The following GRIN2A variants were observed in gnomAD, a reference collection of about 807,000 sequenced individuals.
GRIN2A encodes glutamate ionotropic receptor NMDA type subunit 2A, also known as glutamate receptor ionotropic, NMDA 2A.
GRIN2A carries 22 observed loss-of-function variants against 113.4 expected under a neutral mutation model. The ratio of observed to expected loss-of-function variants is 0.19; its 90% CI spans 0.14 to 0.28. The LOEUF (loss-of-function observed/expected upper bound fraction) is 0.28, where lower values mean the gene tolerates loss of function less well. Among genes scored for constraint, GRIN2A ranks in the 10% least tolerant of loss-of-function variants. GRIN2A has a pLI of 1.00. For synonymous variants in GRIN2A, 827 were observed against 738.4 expected (o/e 1.12, Z -1.94); for missense variants, 1,502 against 1,887.0 (o/e 0.80, Z 3.78).
Position 9,759,312 on chromosome 16 carries a change from C to A in GRIN2A, c.*3837G>T, listed in dbSNP as rs1220426080. 4.5e-6 allele frequency: 1 copy of A among 221,016 alleles called. No individual in the cohort carries two copies. The highest frequency in any genetic ancestry group is 9.0e-6 in the Non-Finnish European group (1 of 110,726). The allele number at this position is 221,016 out of a possible 1,614,324, so 13.7% of individuals were successfully genotyped here. A position where few individuals can be genotyped will look rare whatever the true frequency, so the allele number is the denominator to read the frequency against. On this transcript the variant is annotated 3_prime_UTR_variant, in exon 13 of 13. Coordinates refer to ENST00000330684, the MANE Select transcript of GRIN2A (RefSeq NM_001134407.3). ...TAACATCAACATTTTTTTTCTTTTT[C>A]ATTAGCAATTCTATTTGCAAATAAT...
chr16:9,784,025 G>A (rs534580347), intron 11 of GRIN2A, among the ~76,000 whole-genome samples: 1 of 152,206 alleles, frequency 6.6e-6, no homozygotes, highest in African/African-American at 2.4e-5. Context: ...TGGGTACTGG[G>A]CTTAATACCT....
At chr16:9,875,183 T>C (rs771170399) in intron 4 of GRIN2A, among the ~76,000 whole-genome samples, 14 of 151,798 alleles carry the variant, frequency 9.2e-5, no homozygotes, top group Non-Finnish European at 1.5e-4. Flanking sequence ...AAAGGGTGTG[T>C]GGGGGAATCA....
chr16:9,972,039 C>T (rs571056468), intron 2 of GRIN2A, among the ~76,000 whole-genome samples: 5 of 152,194 alleles, frequency 3.3e-5, no homozygotes, highest in East Asian at 1.9e-4. Flanking sequence ...TGGAAGTCCA[C>T]GGCCAGCAGA....
chr16:10,001,179 G>T (rs1378531815), intron 2 of GRIN2A, among the ~76,000 whole-genome samples: 4 of 152,080 alleles, frequency 2.6e-5, no homozygotes, highest in Non-Finnish European at 5.9e-5. Flanking sequence ...GATCTTGTGG[G>T]TCTCTTCAAA....
intron 5 of GRIN2A, among the ~76,000 whole-genome samples, chr16:9,842,829 C>G (rs2042703313): frequency 6.6e-6 from 1 of 151,970 alleles, no homozygotes; most frequent in Non-Finnish European, 1.5e-5. Context: ...CCCAGCTACA[C>G]AGGAGGCATA....
chr16:9,796,023 G>C (rs1249229544), intron 11 of GRIN2A, among the ~76,000 whole-genome samples: 1 of 152,210 alleles, frequency 6.6e-6, no homozygotes, highest in African/African-American at 2.4e-5. Flanking sequence ...CCTCTGTAAA[G>C]TGGGAATAAG....
chr16:9,831,464 T>C (rs2042492724), intron 8 of GRIN2A, among the ~76,000 whole-genome samples: 1 of 151,698 alleles, frequency 6.6e-6, no homozygotes, highest in South Asian at 2.1e-4. Context: ...CTTTTTGCTC[T>C]GTACATGTAT....
chr16:9,922,719 A>G (rs903108184), intron 3 of GRIN2A, among the ~76,000 whole-genome samples: 4 of 152,206 alleles, frequency 2.6e-5, no homozygotes, highest in Admixed American at 2.0e-4. Context: ...CAACTTGAGT[A>G]AAGAGTCGTT....
At chr16:10,131,443 G>A (rs566634091) in intron 2 of GRIN2A, among the ~76,000 whole-genome samples, 228 of 150,932 alleles carry the variant, frequency 1.5e-3, no homozygotes, top group African/African-American at 4.2e-3. Flanking sequence ...AAGGCCTGCC[G>A]CTCCAGTCTC....
chr16:9,835,560 C>T lies in GRIN2A; in HGVS notation c.1652-1330G>A, dbSNP rs139081659. 4.6e-3 allele frequency among the ~76,000 whole-genome samples: 693 copies of T among 152,298 alleles called. 2 individuals are homozygous for T. The highest frequency in any genetic ancestry group is 0.016 in the African/African-American group (670 of 41,558). On this transcript the variant is annotated intron_variant, in intron 7 of 12. Coordinates refer to ENST00000330684, the MANE Select transcript of GRIN2A (RefSeq NM_001134407.3). The stretch of plus-strand genomic sequence containing the variant: ...TGAATACATCTCCACCTGAATGTAT[C>T]ATGGGGAAGAAATTGCCTATAGACA...
rs192082730 is a variant in GRIN2A at position 10,054,558 on chromosome 16, G to C, written c.415-116007C>G. On this transcript the variant is annotated intron_variant, in intron 2 of 12. Coordinates refer to ENST00000330684, the MANE Select transcript of GRIN2A (RefSeq NM_001134407.3). ...TTTACTTACAGGCATATATCATTAAGAAAATTTCTCATCTGTGCAAAGATG... is the reference window on the plus strand; with the variant it reads ...TTTACTTACAGGCATATATCATTAACAAAATTTCTCATCTGTGCAAAGATG... Among the ~76,000 whole-genome samples the C allele has an allele frequency of 2.7e-3, 409 of 152,298 alleles. 3 individuals carry two copies. The highest frequency in any genetic ancestry group is 9.2e-3 in the African/African-American group (383 of 41,564).
At chr16:9,822,508 A>G in intron 9 of GRIN2A, 84 bp from the exon 10 acceptor site, 2 of 909,718 alleles carry the variant, frequency 2.2e-6, no homozygotes, top group Non-Finnish European at 3.6e-6. Context: ...ATAATAAATT[A>G]GTGATCATTT....
At chr16:10,064,809 T>C (rs922813520) in intron 2 of GRIN2A, among the ~76,000 whole-genome samples, 2 of 152,334 alleles carry the variant, frequency 1.3e-5, no homozygotes, top group Admixed American at 1.3e-4. Flanking sequence ...TCCCATGGAC[T>C]AGACTATGGG....
At chr16:10,015,877 C>A (rs566451496) in intron 2 of GRIN2A, among the ~76,000 whole-genome samples, 1 of 152,188 alleles carries the variant, frequency 6.6e-6, no homozygotes, top group African/African-American at 2.4e-5. Context: ...ACACTGTAAT[C>A]CCAGCTCTTT....
chr16:9,832,352 A>T (rs1236130880), intron 8 of GRIN2A, among the ~76,000 whole-genome samples: 7 of 152,082 alleles, frequency 4.6e-5, no homozygotes. Flanking sequence ...TTGACAGATA[A>T]AATTGTATGT....
intron 3 of GRIN2A, among the ~76,000 whole-genome samples, chr16:9,930,255 C>T (rs564946820): frequency 1.3e-5 from 2 of 152,300 alleles, no homozygotes; most frequent in South Asian, 2.1e-4. Flanking sequence ...AGATGCTTGA[C>T]TAAGCACAAT....
intron 2 of GRIN2A, among the ~76,000 whole-genome samples, chr16:10,176,465 T>C (rs565864541): frequency 6.6e-6 from 1 of 152,232 alleles, no homozygotes; most frequent in African/African-American, 2.4e-5. Flanking sequence ...AATGGTCAAG[T>C]AGACAGACAG....
rs1456715393 is a variant in GRIN2A, at chr16:9,763,336, G to A, written c.4208C>T (p.Ser1403Leu). 6 of 1,614,096 alleles carry A rather than the reference G, an allele frequency of 3.7e-6. No individual in the cohort carries two copies. The highest frequency in any genetic ancestry group is 4.2e-6 in the Non-Finnish European group (5 of 1,179,990). The change falls in exon 13 of 13, where the codon TCG becomes TTG. Residue 1403 changes from serine (S) to leucine (L), a missense_variant. This residue lies in a region of GRIN2A where 832 missense variants were observed against 789.7 expected (regional missense o/e 1.05). Transcript: ENST00000330684. ...SQAVNDSYLRSSLRSTASYCS... is the reference protein window; with the variant it reads ...SQAVNDSYLRLSLRSTASYCS... ...GTACGATGCCGTTGACCTCAAGGACGACCGAAGATAGCTGTCATTCACCGC... is the reference window on the plus strand; with the variant it reads ...GTACGATGCCGTTGACCTCAAGGACAACCGAAGATAGCTGTCATTCACCGC...
intron 2 of GRIN2A, among the ~76,000 whole-genome samples, chr16:9,963,029 C>A (rs1216335390): frequency 1.3e-5 from 2 of 150,150 alleles, no homozygotes; most frequent in Non-Finnish European, 2.9e-5. Flanking sequence ...GGACAAAAAA[C>A]CAAACACCAC....
Sources: gnomAD v4.1 joint callset for allele counts (sites outside exome capture counted in the v4.1 genomes callset) on GRCh38, gnomAD v4.1.1 for gene constraint, gnomAD v4.1.1 regional missense constraint, MANE v1.5 for transcripts, NCBI Gene and HGNC (gene_info 2026-07-23, HGNC 2026-07-21) for gene names.